Variants in SAMMSON observed in about 807,000 individuals in gnomAD.
SAMMSON encodes survival associated mitochondrial melanoma specific oncogenic non-coding RNA, also known as long intergenic non-protein coding RNA 1212.
chr3:70,110,070 C>G (rs34030591), intron 4 of SAMMSON, among the ~76,000 whole-genome samples: 7 of 152,190 alleles, frequency 4.6e-5, no homozygotes, highest in Non-Finnish European at 7.3e-5. Flanking sequence ...CCACAGGGTG[C>G]TGTAGGAGAG....
chr3:70,122,014 A>G (rs1423650790), intron 4 of SAMMSON, among the ~76,000 whole-genome samples: 1 of 152,180 alleles, frequency 6.6e-6, no homozygotes, highest in Non-Finnish European at 1.5e-5. Flanking sequence ...CCTGGGATAT[A>G]ATAACAAGTA....
intron 3 of SAMMSON, chr3:70,069,892 G>T (rs142784611): frequency 1.3e-5 from 2 of 152,088 alleles, no homozygotes; most frequent in African/African-American, 4.8e-5. Context: ...CAGAGATTAG[G>T]GCAAATAAAT....
At chr3:70,374,869 A>G (rs1702999371) in intron 9 of SAMMSON, among the ~76,000 whole-genome samples, 1 of 152,146 alleles carries the variant, frequency 6.6e-6, no homozygotes, top group Admixed American at 6.6e-5. Flanking sequence ...GTCTTGCTAA[A>G]TTGCCCCAAT....
chr3:70,250,473 T>C (rs1701754046), intron 6 of SAMMSON, among the ~76,000 whole-genome samples: 1 of 151,304 alleles, frequency 6.6e-6, no homozygotes, highest in African/African-American at 2.4e-5. Context: ...CAGAATGATT[T>C]CCAACGAGAT....
chr3:70,295,511 T>A (rs1575618842), intron 7 of SAMMSON, among the ~76,000 whole-genome samples: 4 of 152,066 alleles, frequency 2.6e-5, no homozygotes, highest in African/African-American at 9.7e-5. Context: ...GAGACTGGCC[T>A]GGGAAACATA....
chr3:70,281,695 T>C (rs1320204285), intron 6 of SAMMSON, among the ~76,000 whole-genome samples: 2 of 152,310 alleles, frequency 1.3e-5, no homozygotes, highest in East Asian at 3.9e-4. Context: ...CCATCATTGC[T>C]TTTTGCCCCA....
At chr3:70,409,200 G>A (rs894848956) in intron 2 of SAMMSON, among the ~76,000 whole-genome samples, 1 of 152,104 alleles carries the variant, frequency 6.6e-6, no homozygotes, top group Admixed American at 6.5e-5. Context: ...AATTTGCCAT[G>A]GGACTGTATT....
chr3:70,022,845 G>A (rs2067021380), intron 3 of SAMMSON, among the ~76,000 whole-genome samples: 3 of 152,114 alleles, frequency 2.0e-5, no homozygotes, highest in Non-Finnish European at 2.9e-5. Flanking sequence ...ATTTTCAAGT[G>A]GAATAGCTCT....
chr3:70,171,066 A>T (rs1700939062), intron 4 of SAMMSON, among the ~76,000 whole-genome samples: 1 of 151,896 alleles, frequency 6.6e-6, no homozygotes, highest in Non-Finnish European at 1.5e-5. Flanking sequence ...TGGCTCTGTG[A>T]TATTTTTATG....
rs78677995 is a variant in SAMMSON, at chr3:70,199,380, G to GA, written n.508-49717dup. Among the ~76,000 whole-genome samples the GA allele has an allele frequency of 6.7e-5, 10 of 149,778 alleles. No individual in the cohort carries two copies. The East Asian group carries it at 1.6e-3, about 23-fold the overall frequency. On this transcript the variant is annotated intron_variant and non_coding_transcript_variant, in intron 4 of 9. Coordinates refer to ENST00000642114, the Ensembl canonical transcript of SAMMSON. ...TATACTGTAGATTTTATTTACAAAAGAAAAAAAAAAGTTTTGGCTTAATCC... is the reference window on the plus strand; with the variant it reads ...TATACTGTAGATTTTATTTACAAAAGAAAAAAAAAAAGTTTTGGCTTAATCC...
At position 70,125,303 on chromosome 3, in the gene SAMMSON, A is replaced by T. The variant is rs922087836; in HGVS notation, n.507+53738A>T. 36 of 1,333,530 alleles carry T rather than the reference A, an allele frequency of 2.7e-5. No individual in the cohort carries two copies. In the Admixed American group the frequency reaches 6.3e-4, roughly 23 times the overall value. The allele number at this position is 1,333,530 out of a possible 1,614,324, so 82.6% of individuals were successfully genotyped here. On this transcript the variant is annotated intron_variant and non_coding_transcript_variant, in intron 4 of 9. Coordinates refer to ENST00000642114, the Ensembl canonical transcript of SAMMSON. Reference sequence around the variant, plus strand: ...TGAAAAGTCAACATATCTTCCAAAAATATATTTAAGGTCCTTTTCTTGAAC... The same window carrying T: ...TGAAAAGTCAACATATCTTCCAAAATTATATTTAAGGTCCTTTTCTTGAAC...
intron 4 of SAMMSON, among the ~76,000 whole-genome samples, chr3:70,073,736 A>G (rs2067238369): frequency 1.3e-5 from 2 of 151,984 alleles, no homozygotes; most frequent in South Asian, 2.1e-4. Context: ...TTTAAAAGAG[A>G]AACAGTCTAA....
At chr3:70,101,466 T>C (rs2106654514) in intron 4 of SAMMSON, among the ~76,000 whole-genome samples, 1 of 152,312 alleles carries the variant, frequency 6.6e-6, no homozygotes, top group Admixed American at 6.5e-5. Context: ...CCTCGTTGTT[T>C]ACATATAGGT....
intron 3 of SAMMSON, among the ~76,000 whole-genome samples, chr3:70,059,615 G>A (rs2067180260): frequency 1.3e-5 from 2 of 152,076 alleles, no homozygotes; most frequent in Admixed American, 1.3e-4. Context: ...TTCTATTCAG[G>A]CCCTCAGTGG....
At chr3:70,313,652 C>A (rs1702474744) in intron 7 of SAMMSON, among the ~76,000 whole-genome samples, 2 of 152,166 alleles carry the variant, frequency 1.3e-5, no homozygotes, top group South Asian at 2.1e-4. Context: ...AGGTGGCTTG[C>A]CTCCTCCAGT....
intron 6 of SAMMSON, among the ~76,000 whole-genome samples, chr3:70,250,411 TCACACACACACACACACA>T (rs61355248): frequency 0.011 from 1,352 of 124,964 alleles, 8 homozygotes; most frequent in East Asian, 0.03. Context: ...TTAATGAATC[TCACACACACACACACACA>T]CACACACACA....
chr3:70,151,744 T>G (rs1303711416), intron 4 of SAMMSON, among the ~76,000 whole-genome samples: 3 of 151,362 alleles, frequency 2.0e-5, no homozygotes, highest in Admixed American at 1.3e-4. Context: ...TGTAAATGGG[T>G]TGTTTTTCTT....
intron 4 of SAMMSON, among the ~76,000 whole-genome samples, chr3:70,100,596 T>G (rs2067340680): frequency 6.6e-6 from 1 of 152,116 alleles, no homozygotes; most frequent in Non-Finnish European, 1.5e-5. Context: ...CCCTAATTCT[T>G]TCCCAAGAAT....
At chr3:70,125,815 G>A (rs1559519386) in intron 4 of SAMMSON, 1 of 661,646 alleles carries the variant, frequency 1.5e-6, no homozygotes, top group Admixed American at 2.4e-5. Context: ...GGGTCTTTGG[G>A]GCTGAAGATT....
Sources: gnomAD v4.1 joint callset for allele counts (sites outside exome capture counted in the v4.1 genomes callset) on GRCh38, gnomAD v4.1.1 for gene constraint, MANE v1.5 for transcripts, NCBI Gene and HGNC (gene_info 2026-07-23, HGNC 2026-07-21) for gene names.